Variants in AGO3 observed in about 807,000 individuals in gnomAD.
AGO3 encodes the protein protein argonaute-3.
Under a neutral mutation model 105.5 loss-of-function variants are expected in AGO3, and 16 were observed. The ratio of observed to expected loss-of-function variants is 0.15; its 90% CI spans 0.10 to 0.23. The LOEUF is 0.23. AGO3 is among the 10% of genes least tolerant of loss of function. AGO3 has a pLI of 1.00. For synonymous variants in AGO3, 340 were observed against 367.3 expected (o/e 0.93, Z 0.85); for missense variants, 534 against 1,088.0 (o/e 0.49, Z 7.16).
rs538716337 is a variant in AGO3, at chr1:35,998,500, C to CT, written c.659-5838dup. Reference sequence around the variant, plus strand: ...ATATTCCACTTCCTTTCCTAAGTGACTTTATCAGTTTATATTCCTACAGTC... The same window carrying CT: ...ATATTCCACTTCCTTTCCTAAGTGACTTTTATCAGTTTATATTCCTACAGTC... On this transcript the variant is annotated intron_variant, in intron 5 of 18. Transcript: ENST00000373191. Among the ~76,000 whole-genome samples the CT allele has an allele frequency of 5.6e-3, 851 of 152,234 alleles. 3 individuals carry two copies. The highest frequency in any genetic ancestry group is 0.01 in the Non-Finnish European group (697 of 68,004).
At chr1:35,949,013 G>A (rs757987202) in intron 2 of AGO3, among the ~76,000 whole-genome samples, 53 of 151,622 alleles carry the variant, frequency 3.5e-4, no homozygotes, top group Non-Finnish European at 6.6e-4. Context: ...GCACGATCTC[G>A]GCTCATTGCA....
rs879693998 is a variant in AGO3, at chr1:36,058,770, G to A, written c.*3025G>A. On this transcript the variant is annotated 3_prime_UTR_variant, in exon 19 of 19. Transcript: ENST00000373191. Reference sequence around the variant, plus strand: ...CTTTACAAAAGGTAATATTTGTATCGTATATACATTTTTTCTCCCAGCCTT... The same window carrying A: ...CTTTACAAAAGGTAATATTTGTATCATATATACATTTTTTCTCCCAGCCTT... 6.6e-6 allele frequency: 1 copy of A among 151,968 alleles called. No individual in the cohort carries two copies. The allele number at this position is 151,968 out of a possible 1,614,324, so 9.4% of individuals were successfully genotyped here.
chr1:36,035,672 GTTAATA>G (rs1419902263), intron 13 of AGO3, among the ~76,000 whole-genome samples: 4 of 152,192 alleles, frequency 2.6e-5, no homozygotes, highest in African/African-American at 7.2e-5. Context: ...ACTAGCATCT[GTTAATA>G]TTAATACAGC....
At chr1:36,044,109 C>T (rs1485983560) in intron 17 of AGO3, among the ~76,000 whole-genome samples, 1 of 152,306 alleles carries the variant, frequency 6.6e-6, no homozygotes, top group East Asian at 1.9e-4. Context: ...CTTTGGGAGG[C>T]TGAGATGGGC....
At chr1:35,983,596 T>C (rs1245679105) in intron 5 of AGO3, among the ~76,000 whole-genome samples, 1 of 151,584 alleles carries the variant, frequency 6.6e-6, no homozygotes, top group African/African-American at 2.4e-5. Context: ...CAAAAATAAA[T>C]AAATAAAAAG....
intron 8 of AGO3, 168 bp from the exon 9 acceptor site, chr1:36,009,307 C>T (rs1640481000): frequency 3.5e-6 from 3 of 858,062 alleles, no homozygotes; most frequent in Non-Finnish European, 3.5e-6. Flanking sequence ...CTTAATTATA[C>T]TTAATTACTG....
chr1:35,973,289 A>C, intron 4 of AGO3, 86 bp from the exon 5 acceptor site: 1 of 1,252,532 alleles, frequency 8.0e-7, no homozygotes. Flanking sequence ...TCATTATGTT[A>C]ATTGTGCTCT....
chr1:35,966,907 A>G (rs2148769897), intron 2 of AGO3, 48 bp from the exon 3 acceptor site: 1 of 1,541,188 alleles, frequency 6.5e-7, no homozygotes, highest in South Asian at 1.3e-5. Context: ...ATATTTTTAT[A>G]TTTCATCTTA....
intron 11 of AGO3, among the ~76,000 whole-genome samples, chr1:36,020,133 T>G (rs961625035): frequency 2.6e-5 from 4 of 152,140 alleles, no homozygotes; most frequent in Non-Finnish European, 4.4e-5. Context: ...TAATGGAATT[T>G]TTAAGGACTC....
At chr1:35,945,231 G>A (rs1646340820) in intron 1 of AGO3, among the ~76,000 whole-genome samples, 1 of 147,706 alleles carries the variant, frequency 6.8e-6, no homozygotes, top group Admixed American at 6.7e-5. Flanking sequence ...TTTTTAAATA[G>A]AGACAAGTTC....
Position 36,055,638 on chromosome 1 carries a change from G to A in AGO3, c.2476G>A (p.Ala826Thr). ...TGTTCATTGCCACTTCTCTTACAGT[G>A]CTGAAGGAAGTCACGTTTCAGGACA... ...YHLVDKEHDS[A>T]EGSHVSGQSN... is the part of the protein sequence containing the mutation. The change falls in exon 19 of 19, where the codon GCT (alanine) becomes ACT (threonine). Residue 826 changes from alanine to threonine, a missense_variant and splice_region_variant. Transcript: ENST00000373191. The surrounding 1 kb of genome is among the most constrained non-coding windows in gnomAD (Gnocchi z 4.4). The A allele has an allele frequency of 6.2e-7, 1 of 1,613,908 alleles. No individual in the cohort carries two copies. Among genetic ancestry groups the A allele is most frequent in the Non-Finnish European group, 8.5e-7 (1 of 1,179,798 alleles).
chr1:35,940,105 T>C (rs1557641552), intron 1 of AGO3, among the ~76,000 whole-genome samples: 1 of 152,128 alleles, frequency 6.6e-6, no homozygotes, highest in Non-Finnish European at 1.5e-5. Flanking sequence ...CTCACTCTGT[T>C]GCCCAGGCTG....
chr1:36,015,488 G>A (rs1640858773), intron 11 of AGO3, among the ~76,000 whole-genome samples: 1 of 152,182 alleles, frequency 6.6e-6, no homozygotes, highest in Admixed American at 6.5e-5. Flanking sequence ...TGGAGGTTGG[G>A]GATGTGGGGC....
chr1:35,944,396 G>C (rs1387118543), intron 1 of AGO3, among the ~76,000 whole-genome samples: 1 of 151,872 alleles, frequency 6.6e-6, no homozygotes, highest in African/African-American at 2.4e-5. Flanking sequence ...CTAGGAATTT[G>C]TCTGTTTCAT....
chr1:36,002,477 A>G lies in AGO3; in HGVS notation c.659-1864A>G, dbSNP rs546979602. On this transcript the variant is annotated intron_variant, in intron 5 of 18. Coordinates refer to ENST00000373191, the MANE Select transcript of AGO3 (RefSeq NM_024852.4). ...CCTGAGTAGCTGGGATTACAGGCACATGCCACCACGCCTGGCTAATTTTTT... is the reference window on the plus strand; with the variant it reads ...CCTGAGTAGCTGGGATTACAGGCACGTGCCACCACGCCTGGCTAATTTTTT... Among the ~76,000 whole-genome samples, 338 of 150,628 alleles carry G rather than the reference A, an allele frequency of 2.2e-3. 2 individuals are homozygous for G. Among genetic ancestry groups the G allele is most frequent in the Non-Finnish European group, 3.4e-3 (228 of 67,666 alleles).
intron 6 of AGO3, among the ~76,000 whole-genome samples, chr1:36,004,731 A>T (rs1227799303): frequency 6.6e-6 from 1 of 152,144 alleles, no homozygotes; most frequent in African/African-American, 2.4e-5. Context: ...AGCTGAAGGG[A>T]TAAGAATGTC....
intron 5 of AGO3, among the ~76,000 whole-genome samples, chr1:35,979,160 T>C (rs1214720859): frequency 1.3e-5 from 2 of 151,984 alleles, no homozygotes; most frequent in Admixed American, 6.6e-5. Context: ...GTCAGGAGAT[T>C]GAGACCATCC....
chr1:36,015,228 G>A (rs1329013519), intron 11 of AGO3, among the ~76,000 whole-genome samples: 1 of 152,118 alleles, frequency 6.6e-6, no homozygotes, highest in Non-Finnish European at 1.5e-5. Flanking sequence ...TATGTTTACT[G>A]TTTTATTATA....
intron 1 of AGO3, among the ~76,000 whole-genome samples, chr1:35,941,137 C>G (rs1646245938): frequency 6.6e-6 from 1 of 152,186 alleles, no homozygotes; most frequent in African/African-American, 2.4e-5. Context: ...TCTTTCCTAT[C>G]TCAGTAAATG....
Sources: gnomAD v4.1 joint callset for allele counts (sites outside exome capture counted in the v4.1 genomes callset) on GRCh38, gnomAD v4.1.1 for gene constraint, Gnocchi (gnomAD v3.1) non-coding constraint, MANE v1.5 for transcripts, NCBI Gene and HGNC (gene_info 2026-07-23, HGNC 2026-07-21) for gene names.